Variants in ZNF622 observed in about 807,000 individuals in gnomAD.
The protein encoded by ZNF622 is zinc finger protein 622.
A neutral mutation model predicts 49.7 loss-of-function variants in ZNF622; 34 were observed. The observed-to-expected ratio is 0.68, with a 90% confidence interval of 0.52 to 0.91. The LOEUF (loss-of-function observed/expected upper bound fraction) is 0.91, where lower values mean the gene tolerates loss of function less well. Among genes scored for constraint, ZNF622 ranks in the 40% least tolerant of loss-of-function variants. ZNF622 has a pLI of 0.00. For missense variants in ZNF622, 569 were observed against 616.4 expected, an observed-to-expected ratio of 0.92 and a Z score of 0.81; for synonymous variants, 209 against 228.7, an observed-to-expected ratio of 0.91 and a Z score of 0.78.
In ZNF622 at chr5:16,451,599, G is replaced by T. The variant is rs141069309; in HGVS notation, c.*58C>A. 8.8e-4 allele frequency: 1,400 copies of T among 1,587,690 alleles called. 12 individuals are homozygous for T. The African/African-American group carries it at 0.017, about 19-fold the overall frequency. ...CTCTCCTATGATCTGTCTTTCACTGGTCCTCAGGGCAAGGAGGAAACTTGG... is the reference window on the plus strand; with the variant it reads ...CTCTCCTATGATCTGTCTTTCACTGTTCCTCAGGGCAAGGAGGAAACTTGG... On this transcript the variant is annotated 3_prime_UTR_variant, in exon 6 of 6. Coordinates refer to ENST00000308683, the MANE Select transcript of ZNF622 (RefSeq NM_033414.3).
rs1579567871 is a variant in ZNF622 at position 16,465,372 on chromosome 5, G to A, written c.294C>T (p.Ala98=). The change falls in exon 1 of 6, where the codon GCC becomes GCT. Residue 98 remains alanine, a synonymous_variant. Transcript: ENST00000308683. The surrounding 1 kb of genome is among the most constrained non-coding windows in gnomAD (Gnocchi z 6.2). ...SRRHVELEKK[A]VQAVNRKVEM... Reference sequence around the variant, plus strand: ...CCACTTTCCGATTCACTGCCTGCACGGCCTTCTTCTCCAGCTCAACGTGAC... The same window carrying A: ...CCACTTTCCGATTCACTGCCTGCACAGCCTTCTTCTCCAGCTCAACGTGAC... The A allele has an allele frequency of 6.2e-7, 1 of 1,614,116 alleles. No homozygotes were observed. The highest frequency in any genetic ancestry group is 8.5e-7 in the Non-Finnish European group (1 of 1,180,056).
chr5:16,453,270 G>A (rs940279485), intron 4 of ZNF622, 114 bp from the exon 5 acceptor site: 9 of 1,073,764 alleles, frequency 8.4e-6, no homozygotes, highest in African/African-American at 6.5e-5. Context: ...ATGGAAAATC[G>A]ATGTACCAGA....
At position 16,465,739 on chromosome 5, in the gene ZNF622, A is replaced by G; in HGVS notation, c.-74T>C. The G allele has an allele frequency of 6.9e-7, 1 of 1,454,330 alleles. No individual in the cohort carries two copies. Among genetic ancestry groups the G allele is most frequent in the Non-Finnish European group, 9.1e-7 (1 of 1,104,474 alleles). 90.1% of individuals were successfully genotyped at this position (1,454,330 alleles called of 1,614,324 possible). ...CGCCGTGGCCCCACAAGACCCTCAG[A>G]CCTTAACCCGCCTCAGCAGCCAGGA... On this transcript the variant is annotated 5_prime_UTR_variant, in exon 1 of 6. Transcript: ENST00000308683. The surrounding 1 kb of genome is among the most constrained non-coding windows in gnomAD (Gnocchi z 6.2).
chr5:16,459,516 T>C (rs1002314056), intron 3 of ZNF622, among the ~76,000 whole-genome samples: 1 of 152,206 alleles, frequency 6.6e-6, no homozygotes, highest in Non-Finnish European at 1.5e-5. Context: ...ATGGAACATA[T>C]GTATATCCTC....
At chr5:16,453,602 T>TATA (rs61226771) in intron 4 of ZNF622, among the ~76,000 whole-genome samples, 1 of 128,678 alleles carries the variant, frequency 7.8e-6, no homozygotes, top group Non-Finnish European at 1.6e-5. Flanking sequence ...TATATATATA[T>TATA]GAAGAAGATT....
chr5:16,462,427 T>C (rs192552327), intron 3 of ZNF622, among the ~76,000 whole-genome samples: 4 of 152,224 alleles, frequency 2.6e-5, no homozygotes, highest in Non-Finnish European at 4.4e-5. Flanking sequence ...TTTGGGAGAC[T>C]GAGGTGGGTG....
At chr5:16,462,770 T>C (rs1738141202) in intron 3 of ZNF622, among the ~76,000 whole-genome samples, 1 of 152,212 alleles carries the variant, frequency 6.6e-6, no homozygotes, top group Non-Finnish European at 1.5e-5. Context: ...CAGCTGGTGA[T>C]GCAAGGACTC....
Position 16,463,837 on chromosome 5 carries a change from G to A in ZNF622, c.626-95C>T. 3 of 1,361,700 alleles carry A rather than the reference G, an allele frequency of 2.2e-6. No individual in the cohort carries two copies. Among genetic ancestry groups the A allele is most frequent in the Non-Finnish European group, 3.0e-6 (3 of 996,344 alleles). The allele number at this position is 1,361,700 out of a possible 1,614,324, so 84.4% of individuals were successfully genotyped here. ...ACGAGGTGATACAGTCCTATATTTG[G>A]AGAAACAGCCACACCCCAACTCCCA... On this transcript the variant is annotated intron_variant, in intron 1 of 5. Coordinates refer to ENST00000308683, the MANE Select transcript of ZNF622 (RefSeq NM_033414.3). This position sits in a 1 kb window ranked among gnomAD's most constrained non-coding sequence, Gnocchi z 4.2.
intron 1 of ZNF622, 74 bp downstream of exon 1, chr5:16,464,967 C>T: frequency 6.6e-7 from 1 of 1,515,332 alleles, no homozygotes; most frequent in Non-Finnish European, 8.8e-7. Flanking sequence ...ACACACCCAT[C>T]TCGAGTATAA....
intron 4 of ZNF622, among the ~76,000 whole-genome samples, chr5:16,454,892 C>T (rs1481259468): frequency 6.6e-6 from 1 of 152,188 alleles, no homozygotes; most frequent in African/African-American, 2.4e-5. Flanking sequence ...GGGAGATGAC[C>T]TGAAGGGGGC....
intron 1 of ZNF622, among the ~76,000 whole-genome samples, chr5:16,464,194 AATCAT>A (rs1326555538): frequency 1.3e-5 from 2 of 152,172 alleles, no homozygotes; most frequent in African/African-American, 4.8e-5. Flanking sequence ...GTTGAAACTT[AATCAT>A]CAATGAAATG....
At position 16,451,780 on chromosome 5, in the gene ZNF622, C is replaced by T. The variant is rs1271009429; in HGVS notation, c.1311G>A (p.Ala437=). 3.1e-6 allele frequency: 5 copies of T among 1,611,748 alleles called. No individual in the cohort carries two copies. Among genetic ancestry groups the T allele is most frequent in the Admixed American group, 1.7e-5 (1 of 59,418 alleles). ...RALGWTGSTG[A]ALMRERDMQY... The stretch of plus-strand genomic sequence containing the variant: ...GCATGTCTCGCTCTCGCATAAGAGC[C>T]GCTCCTATGATTGGAAGGCAGTTAA... The change falls in exon 6 of 6, where the codon GCG becomes GCA. Residue 437 remains alanine, a synonymous_variant. Coordinates refer to ENST00000308683, the MANE Select transcript of ZNF622 (RefSeq NM_033414.3).
chr5:16,454,488 C>CAAAAA (rs34774848), intron 4 of ZNF622, among the ~76,000 whole-genome samples: 15 of 66,644 alleles, frequency 2.3e-4, no homozygotes, highest in East Asian at 4.6e-4. Flanking sequence ...ACTCCGTCTC[C>CAAAAA]AAAAAAAAAA....
At chr5:16,464,096 A>G (rs1397096798) in intron 1 of ZNF622, among the ~76,000 whole-genome samples, 1 of 152,182 alleles carries the variant, frequency 6.6e-6, no homozygotes, top group South Asian at 2.1e-4. Flanking sequence ...CTATTTCACA[A>G]AAGTACTATG....
rs767170764 is a variant in ZNF622, at chr5:16,463,146, G to A, written c.1011C>T (p.Gly337=). Residue 337 remains glycine (G), a synonymous_variant, in exon 3 of 6, where the codon GGC becomes GGT. Transcript: ENST00000308683. This position sits in a 1 kb window ranked among gnomAD's most constrained non-coding sequence, Gnocchi z 4.2. ...DKSHCKLFTD[G]DAALEFADFY... ...AGTCTGCAAATTCCAAAGCAGCATC[G>A]CCATCTGTGAAGAGCTTACAGTGGC... The A allele has an allele frequency of 2.6e-5, 42 of 1,611,564 alleles. No homozygotes were observed. Among genetic ancestry groups the A allele is most frequent in the African/African-American group, 4.0e-5 (3 of 74,718 alleles).
chr5:16,452,446 T>C (rs1241784474), intron 5 of ZNF622, among the ~76,000 whole-genome samples: 1 of 152,086 alleles, frequency 6.6e-6, no homozygotes, highest in African/African-American at 2.4e-5. Flanking sequence ...AAATTTTCTA[T>C]GGGAAAATTA....
Position 16,453,099 on chromosome 5 carries a change from G to C in ZNF622, c.1220C>G (p.Ser407Ter), listed in dbSNP as rs776256028. The change falls in exon 5 of 6, where the codon TCA becomes TGA. Residue 407 changes from serine (S) to a stop codon, truncating the protein, a stop_gained. Coordinates refer to ENST00000308683, the MANE Select transcript of ZNF622 (RefSeq NM_033414.3). LOFTEE classifies it high-confidence loss of function. ...MRYYKQRFGL[S>*]RAVAVAKNRK... ...ATTTTTGGCAACTGCCACAGCTCTT[G>C]ACAAGCCAAATCGCTGTTTGTAGTA... 4.4e-6 allele frequency: 7 copies of C among 1,585,664 alleles called. No individual in the cohort carries two copies. The highest frequency in any genetic ancestry group is 6.0e-6 in the Non-Finnish European group (7 of 1,162,774).
At chr5:16,458,357 C>G (rs1416001130) in intron 4 of ZNF622, among the ~76,000 whole-genome samples, 160 bp downstream of exon 4, 3 of 151,848 alleles carry the variant, frequency 2.0e-5, no homozygotes, top group Non-Finnish European at 2.9e-5. Context: ...CAACTTAGAG[C>G]TGAGCAGCAA....
At chr5:16,458,493 T>C in intron 4 of ZNF622, 24 bp downstream of exon 4, 1 of 1,532,676 alleles carries the variant, frequency 6.5e-7, no homozygotes, top group Non-Finnish European at 9.0e-7. Context: ...CATTAAGCTA[T>C]TTATTTTTGA....
Sources: gnomAD v4.1 joint callset for allele counts (sites outside exome capture counted in the v4.1 genomes callset) on GRCh38, gnomAD v4.1.1 for gene constraint, Gnocchi (gnomAD v3.1) non-coding constraint, MANE v1.5 for transcripts, NCBI Gene and HGNC (gene_info 2026-07-23, HGNC 2026-07-21) for gene names.